Variants in TNRC6C observed in about 807,000 individuals in gnomAD.
TNRC6C encodes the protein trinucleotide repeat containing adaptor 6C, also known as trinucleotide repeat-containing gene 6C protein.
Under a neutral mutation model 153.7 loss-of-function variants are expected in TNRC6C, and 20 were observed. The observed-to-expected ratio is 0.13, with a 90% CI of 0.09 to 0.19. The LOEUF (loss-of-function observed/expected upper bound fraction) is 0.19, where lower values mean the gene tolerates loss of function less well. TNRC6C is among the 10% of genes least tolerant of loss of function. TNRC6C has a pLI of 1.00. For missense variants in TNRC6C, 1,987 were observed against 2,172.0 expected, an observed-to-expected ratio of 0.91 and a Z score of 1.69; for synonymous variants, 811 against 841.4, an observed-to-expected ratio of 0.96 and a Z score of 0.63.
intron 1 of TNRC6C, among the ~76,000 whole-genome samples, chr17:78,027,214 T>C (rs965711317): frequency 1.3e-5 from 2 of 152,252 alleles, no homozygotes; most frequent in Non-Finnish European, 2.9e-5. Context: ...AAAGAAATTA[T>C]GGCCTTGGCT....
rs547994463 is a variant in TNRC6C at position 78,104,767 on chromosome 17, C to T, written c.4995C>T (p.Asp1665=). 8 of 1,479,714 alleles carry T rather than the reference C, an allele frequency of 5.4e-6. No individual in the cohort carries two copies. The highest frequency in any genetic ancestry group is 2.6e-5 in the South Asian group (2 of 76,186). 91.7% of individuals were successfully genotyped at this position (1,479,714 alleles called of 1,614,324 possible). ...GCCTGTGGGGCCCGCCCAGCGCCGA[C>T]GACAGCAGGGTGATAGGCAGCCCCA... The change falls in exon 20 of 20, where the codon GAC becomes GAT. Residue 1665 remains aspartate, a synonymous_variant. Coordinates refer to ENST00000301624, the Ensembl canonical transcript of TNRC6C. The surrounding 1 kb of genome is among the most constrained non-coding windows in gnomAD (Gnocchi z 6.2).
rs561331173 is a variant in TNRC6C, at chr17:78,060,102, G to A, written c.2396-4620G>A. ...CCCGAATCTGTAACCCTCAAACAGA[G>A]TCCCCTGACTTTGGAATGGAAGTGT... is the stretch of plus-strand genomic sequence containing the variant. On this transcript the variant is annotated intron_variant, in intron 3 of 19. Coordinates refer to ENST00000301624, the Ensembl canonical transcript of TNRC6C. Among the ~76,000 whole-genome samples, 4 of 152,242 alleles carry A rather than the reference G, an allele frequency of 2.6e-5. No homozygotes were observed. In the South Asian group the frequency reaches 8.3e-4, roughly 32 times the overall value.
rs1416751198 is a variant in TNRC6C at position 78,060,156 on chromosome 17, A to C, written c.2396-4566A>C. Among the ~76,000 whole-genome samples, 46 of 152,166 alleles carry C rather than the reference A, an allele frequency of 3.0e-4. 2 individuals are homozygous for C. The highest frequency in any genetic ancestry group is 3.0e-3 in the Admixed American group (46 of 15,286). On this transcript the variant is annotated intron_variant, in intron 3 of 19. Coordinates refer to ENST00000301624, the Ensembl canonical transcript of TNRC6C. ...ATGCCCACCACAAAGGCTTTCAGAA[A>C]AGTAGGATACTTTGCCATCTGACTG...
chr17:78,000,758 A>T (rs188172923), upstream of TNRC6C, among the ~76,000 whole-genome samples: 5 of 152,046 alleles, frequency 3.3e-5, no homozygotes, highest in East Asian at 9.6e-4. Flanking sequence ...ACAATTTCTG[A>T]TAACTAAACC....
rs946282958 is a variant in TNRC6C, at chr17:78,049,690, A to G, written c.628A>G (p.Met210Val). Residue 210 changes from methionine (M) to valine (V), a missense_variant, in exon 3 of 20, where the codon ATG (methionine) becomes GTG (valine). Coordinates refer to ENST00000301624, the Ensembl canonical transcript of TNRC6C. The surrounding 1 kb of genome is among the most constrained non-coding windows in gnomAD (Gnocchi z 4.1). ...GACAAATGGACTGCCAAACTGGGGC[A>G]TGGCTGTTGGTATGGGGGCCATCAT... is the stretch of plus-strand genomic sequence containing the variant. The G allele has an allele frequency of 2.5e-6, 4 of 1,608,866 alleles. No individual in the cohort carries two copies. The highest frequency in any genetic ancestry group is 2.6e-6 in the Non-Finnish European group (3 of 1,176,106).
chr17:78,102,000 A>G (rs1427705711), intron 17 of TNRC6C, among the ~76,000 whole-genome samples: 5 of 152,048 alleles, frequency 3.3e-5, no homozygotes, highest in Non-Finnish European at 7.4e-5. Flanking sequence ...TCAAGATGAG[A>G]TTTGGATGGG....
At chr17:77,958,984 G>A (rs1275773261), upstream of TNRC6C, among the ~76,000 whole-genome samples, 7 of 145,266 alleles carry the variant, frequency 4.8e-5, no homozygotes, top group South Asian at 1.3e-3. Context: ...CCCGGACCCC[G>A]CCGGAGCCGC....
intron 3 of TNRC6C, among the ~76,000 whole-genome samples, chr17:78,060,637 G>C (rs1021326562): frequency 2.6e-5 from 4 of 151,750 alleles, no homozygotes; most frequent in Non-Finnish European, 5.9e-5. Flanking sequence ...CACCATGTTG[G>C]CTAGGCTGGT....
At chr17:78,037,864 A>G (rs2143806591) in intron 2 of TNRC6C, among the ~76,000 whole-genome samples, 1 of 152,322 alleles carries the variant, frequency 6.6e-6, no homozygotes, top group South Asian at 2.1e-4. Flanking sequence ...AAGAGCCAAG[A>G]GACTGAAAAA....
intron 5 of TNRC6C, among the ~76,000 whole-genome samples, chr17:78,069,414 A>T (rs573468884): frequency 6.6e-5 from 10 of 152,100 alleles, no homozygotes; most frequent in Admixed American, 2.0e-4. Context: ...ATTTAAAAAA[A>T]TTTTTTTAGA....
intron 1 of TNRC6C, among the ~76,000 whole-genome samples, chr17:78,027,027 A>G (rs1190209522): frequency 4.6e-5 from 7 of 152,196 alleles, no homozygotes; most frequent in Non-Finnish European, 8.8e-5. Flanking sequence ...TGTATCAAGT[A>G]TAAAAGAGTG....
intron 5 of TNRC6C, 128 bp from the exon 8 acceptor site, chr17:78,070,957 A>G: frequency 1.1e-6 from 1 of 885,826 alleles, no homozygotes; most frequent in Non-Finnish European, 1.8e-6. Flanking sequence ...ATACAGCATT[A>G]TTCAATGTTA....
intron 1 of TNRC6C, among the ~76,000 whole-genome samples, chr17:77,999,151 T>G (rs1389696716): frequency 6.6e-6 from 1 of 152,262 alleles, no homozygotes; most frequent in African/African-American, 2.4e-5. Flanking sequence ...TGAAGGTTTG[T>G]ACACAGAATT....
intron 1 of TNRC6C, among the ~76,000 whole-genome samples, chr17:78,020,272 A>T (rs2071806835): frequency 6.6e-6 from 1 of 152,264 alleles, no homozygotes; most frequent in Non-Finnish European, 1.5e-5. Flanking sequence ...GAGAACAAGT[A>T]CGTGGGTAAA....
At chr17:77,978,713 C>G (rs1398701819) in intron 1 of TNRC6C, among the ~76,000 whole-genome samples, 3 of 152,080 alleles carry the variant, frequency 2.0e-5, no homozygotes, top group Non-Finnish European at 4.4e-5. Flanking sequence ...AACGGGAGTT[C>G]AGGGATGACA....
At chr17:78,090,030 T>A (rs1261122988) in intron 13 of TNRC6C, among the ~76,000 whole-genome samples, 1 of 152,178 alleles carries the variant, frequency 6.6e-6, no homozygotes, top group East Asian at 1.9e-4. Flanking sequence ...TGGCTAGATC[T>A]GTACAAGCTG....
chr17:78,098,666 GCA>G (rs1295762774), intron 17 of TNRC6C, 129 bp downstream of exon 20: 1 of 1,007,618 alleles, frequency 9.9e-7, no homozygotes, highest in African/African-American at 1.6e-5. Context: ...GCTTAGGAGG[GCA>G]CCAGGGCCAC....
chr17:78,085,694 G>A (rs1335033404), intron 11 of TNRC6C, among the ~76,000 whole-genome samples: 1 of 152,086 alleles, frequency 6.6e-6, no homozygotes, highest in Admixed American at 6.6e-5. Context: ...TTCTCTCTTA[G>A]CTTTCATTCC....
At chr17:78,054,803 T>C (rs112981222) in intron 3 of TNRC6C, among the ~76,000 whole-genome samples, 27 of 151,890 alleles carry the variant, frequency 1.8e-4, no homozygotes, top group Non-Finnish European at 7.4e-5. Flanking sequence ...TGTACACTAC[T>C]ATACACCACT....
Sources: gnomAD v4.1 joint callset for allele counts (sites outside exome capture counted in the v4.1 genomes callset) on GRCh38, gnomAD v4.1.1 for gene constraint, Gnocchi (gnomAD v3.1) non-coding constraint, MANE v1.5 for transcripts, NCBI Gene and HGNC (gene_info 2026-07-23, HGNC 2026-07-21) for gene names.